FSTL4: variants seen among roughly 807,000 people sequenced by gnomAD.
FSTL4 encodes follistatin like 4.
In FSTL4, 28 loss-of-function variants were observed where a neutral mutation model predicts 78.2. That is an observed-to-expected ratio of 0.36 (90% CI 0.27 to 0.49). The LOEUF (loss-of-function observed/expected upper bound fraction) is 0.49. Ranked by LOEUF, FSTL4 falls within the 20% of genes least tolerant of loss-of-function variation. The probability of loss-of-function intolerance (pLI) is 0.98; values close to 1 mark genes in which losing one functional copy is unlikely to be tolerated. For missense variants in FSTL4, 922 were observed against 1,084.9 expected (o/e 0.85, Z 2.11); for synonymous variants, 422 against 440.5 (o/e 0.96, Z 0.53).
chr5:133,424,899 G>A (rs1270953182), intron 3 of FSTL4, among the ~76,000 whole-genome samples: 1 of 152,196 alleles, frequency 6.6e-6, no homozygotes, highest in Non-Finnish European at 1.5e-5. Flanking sequence ...GGTTCCTGGT[G>A]CACAGTGGGT....
chr5:133,654,453 T>C, the FSTL4 span, among the ~76,000 whole-genome samples: 1 of 152,158 alleles, frequency 6.6e-6, no homozygotes, highest in African/African-American at 2.4e-5. Context: ...CACATCAGAC[T>C]CTTGAGTACA....
intron 15 of FSTL4, among the ~76,000 whole-genome samples, chr5:133,201,606 G>A (rs1750322912): frequency 6.6e-6 from 1 of 152,220 alleles, no homozygotes; most frequent in South Asian, 2.1e-4. Flanking sequence ...TGTCTAGCAA[G>A]CAGAGGGTGC....
intron 3 of FSTL4, among the ~76,000 whole-genome samples, chr5:133,433,653 G>A (rs983737048): frequency 2.0e-5 from 3 of 152,168 alleles, no homozygotes; most frequent in East Asian, 1.9e-4. Context: ...TCAGATGGTC[G>A]TGAGTGCAGA....
In FSTL4 at chr5:133,284,257, A is replaced by G. The variant is rs190272250; in HGVS notation, c.727+28397T>C. The stretch of plus-strand genomic sequence containing the variant: ...GACCATCTGCAAATTTGGAACTCCA[A>G]GCACATCATAAGGAGCAATTCTCAC... On this transcript the variant is annotated intron_variant, in intron 6 of 15. Coordinates refer to ENST00000265342, the MANE Select transcript of FSTL4 (RefSeq NM_015082.2). Among the ~76,000 whole-genome samples the G allele has an allele frequency of 6.0e-4, 92 of 152,360 alleles. 1 individual carries two copies. The highest frequency in any genetic ancestry group is 1.5e-5 in the Non-Finnish European group (1 of 68,034).
chr5:133,768,339 T>G, the FSTL4 span, among the ~76,000 whole-genome samples: 2 of 152,222 alleles, frequency 1.3e-5, no homozygotes, highest in Non-Finnish European at 2.9e-5. Context: ...CCGGAAGTGT[T>G]GGCAAAACCC....
chr5:133,820,278 C>T, the FSTL4 span, among the ~76,000 whole-genome samples: 4 of 152,206 alleles, frequency 2.6e-5, no homozygotes, highest in Admixed American at 6.5e-5. Context: ...TCATGACCTC[C>T]GTTTCAACAA....
At chr5:133,269,621 A>C (rs1353614183) in intron 6 of FSTL4, among the ~76,000 whole-genome samples, 5 of 152,202 alleles carry the variant, frequency 3.3e-5, no homozygotes, top group Non-Finnish European at 1.5e-5. Flanking sequence ...GGAGTTTTTC[A>C]ATCAGCCCAA....
the FSTL4 span, among the ~76,000 whole-genome samples, chr5:133,651,436 TTTA>T: frequency 1.3e-5 from 2 of 152,118 alleles, no homozygotes; most frequent in East Asian, 1.9e-4. Context: ...AAGAGGTCTT[TTTA>T]TTATTATGAA....
chr5:133,516,089 A>G (rs1213833690), intron 3 of FSTL4, among the ~76,000 whole-genome samples: 1 of 152,158 alleles, frequency 6.6e-6, no homozygotes, highest in Non-Finnish European at 1.5e-5. Flanking sequence ...TTATTCTAAG[A>G]GTTCAGTGAT....
chr5:133,595,563 C>T (rs747241376), intron 2 of FSTL4, among the ~76,000 whole-genome samples: 2 of 152,192 alleles, frequency 1.3e-5, no homozygotes, highest in Non-Finnish European at 2.9e-5. Context: ...TGCCTTGCTA[C>T]GTGATATGTG....
chr5:133,302,729 C>T (rs1437076614), intron 6 of FSTL4, among the ~76,000 whole-genome samples: 1 of 152,238 alleles, frequency 6.6e-6, no homozygotes, highest in African/African-American at 2.4e-5. Context: ...CTGTGTGGAA[C>T]CATGGTGAGC....
intron 6 of FSTL4, among the ~76,000 whole-genome samples, chr5:133,274,203 C>T (rs965669208): frequency 6.6e-6 from 1 of 152,044 alleles, no homozygotes; most frequent in Non-Finnish European, 1.5e-5. Context: ...AGGTGGTTCC[C>T]ATTTCCTGAA....
At chr5:133,550,434 C>G (rs1056658131) in intron 3 of FSTL4, among the ~76,000 whole-genome samples, 1 of 152,144 alleles carries the variant, frequency 6.6e-6, no homozygotes, top group African/African-American at 2.4e-5. Context: ...ACATCCTAGT[C>G]CCCCATACTA....
chr5:133,496,787 G>A (rs1275841981), intron 3 of FSTL4, among the ~76,000 whole-genome samples: 1 of 152,126 alleles, frequency 6.6e-6, no homozygotes, highest in African/African-American at 2.4e-5. Flanking sequence ...CTTGCAACCA[G>A]GCTGCACTGC....
the FSTL4 span, among the ~76,000 whole-genome samples, chr5:133,710,191 T>C: frequency 6.6e-6 from 1 of 152,150 alleles, no homozygotes; most frequent in Non-Finnish European, 1.5e-5. Flanking sequence ...TGCCTATTCC[T>C]TGGATAAGGG....
the FSTL4 span, among the ~76,000 whole-genome samples, chr5:133,827,004 C>T: frequency 1.3e-5 from 2 of 152,362 alleles, no homozygotes; most frequent in Non-Finnish European, 2.9e-5. Context: ...CCCAATGGCA[C>T]GCCCAGTGAC....
the FSTL4 span, among the ~76,000 whole-genome samples, chr5:133,704,241 C>G: frequency 6.6e-6 from 1 of 152,166 alleles, no homozygotes; most frequent in African/African-American, 2.4e-5. Context: ...CTTGTTTCCA[C>G]TTTAGTATTT....
At chr5:133,371,728 G>C (rs1284133861) in intron 4 of FSTL4, among the ~76,000 whole-genome samples, 1 of 152,232 alleles carries the variant, frequency 6.6e-6, no homozygotes, top group Admixed American at 6.5e-5. Flanking sequence ...CGATCACTGG[G>C]CATTGTTTGT....
chr5:133,537,836 AGT>A lies in FSTL4; in HGVS notation c.160+29348_160+29349del, dbSNP rs138290593. On this transcript the variant is annotated intron_variant, in intron 3 of 15. Coordinates refer to ENST00000265342, the MANE Select transcript of FSTL4 (RefSeq NM_015082.2). Reference sequence around the variant, plus strand: ...CACACACAGAGACACACACATATATAGTGTGTGTGTATCTATATGTACACACA... The same window carrying A: ...CACACACAGAGACACACACATATATAGTGTGTGTATCTATATGTACACACA... Among the ~76,000 whole-genome samples the A allele has an allele frequency of 3.8e-4, 57 of 151,958 alleles. 1 individual carries two copies. The East Asian group carries it at 0.01, about 27-fold the overall frequency.
Sources: allele counts gnomAD v4.1 joint callset (sites outside exome capture counted in the v4.1 genomes callset), GRCh38; gene constraint gnomAD v4.1.1; transcripts MANE v1.5; gene names NCBI Gene and HGNC (gene_info 2026-07-23, HGNC 2026-07-21).